Variants in RNF13 observed in about 807,000 individuals in gnomAD.
RNF13 encodes ring finger protein 13, also known as E3 ubiquitin-protein ligase RNF13.
RNF13 carries 19 observed loss-of-function variants against 37.7 expected under a neutral mutation model. The observed-to-expected ratio is 0.50, with a 90% CI of 0.35 to 0.74. The LOEUF (loss-of-function observed/expected upper bound fraction) is 0.74, where lower values mean the gene tolerates loss of function less well. Ranked by LOEUF, RNF13 falls within the 30% of genes least tolerant of loss-of-function variation. RNF13 has a pLI of 0.01. For missense variants in RNF13, 375 were observed against 453.0 expected, an observed-to-expected ratio of 0.83 and a Z score of 1.56; for synonymous variants, 144 against 157.8, an observed-to-expected ratio of 0.91 and a Z score of 0.65.
At chr3:149,875,018 A>C (rs1712525283) in intron 4 of RNF13, among the ~76,000 whole-genome samples, 1 of 152,160 alleles carries the variant, frequency 6.6e-6, no homozygotes, top group Non-Finnish European at 1.5e-5. Flanking sequence ...TCTCTTATAG[A>C]TAATCAGTAG....
chr3:149,835,431 C>G lies in RNF13; in HGVS notation c.-16-10580C>G, dbSNP rs373586739. On this transcript the variant is annotated intron_variant, in intron 1 of 9. Transcript: ENST00000392894. ...GTATACACCTTCACCCCCTCCTACC[C>G]TTTCCCCTGAGTCCCTAAAGTCCAT... Among the ~76,000 whole-genome samples, 67 of 152,204 alleles carry G rather than the reference C, an allele frequency of 4.4e-4. 1 individual carries two copies. In the East Asian group the frequency reaches 7.5e-3, roughly 17 times the overall value.
At chr3:149,871,676 C>A (rs1195722336) in intron 3 of RNF13, among the ~76,000 whole-genome samples, 2 of 151,754 alleles carry the variant, frequency 1.3e-5, no homozygotes, top group Non-Finnish European at 2.9e-5. Context: ...TCATTGTCTG[C>A]TAACATGAAA....
chr3:149,958,028 T>C (rs1722028028), intron 8 of RNF13, among the ~76,000 whole-genome samples: 1 of 152,164 alleles, frequency 6.6e-6, no homozygotes, highest in Non-Finnish European at 1.5e-5. Context: ...GGCAATAAAA[T>C]ATGGGATATT....
intron 5 of RNF13, 28 bp downstream of exon 5, chr3:149,895,588 TC>T: frequency 7.2e-7 from 1 of 1,391,530 alleles, no homozygotes; most frequent in Non-Finnish European, 1.0e-6. Flanking sequence ...TTTTCTTCTC[TC>T]CTGTTTGACA....
chr3:149,944,330 C>T (rs1260481481), intron 8 of RNF13, among the ~76,000 whole-genome samples: 2 of 152,152 alleles, frequency 1.3e-5, no homozygotes, highest in South Asian at 2.1e-4. Context: ...TAGCTATATA[C>T]CCAGTAATGG....
intron 3 of RNF13, among the ~76,000 whole-genome samples, chr3:149,857,543 A>G (rs1723772623): frequency 6.6e-6 from 1 of 152,196 alleles, no homozygotes; most frequent in South Asian, 2.1e-4. Flanking sequence ...GAGTACCATT[A>G]GTAATTAGTT....
chr3:149,851,658 G>T (rs1025268973), intron 2 of RNF13: 1 of 151,744 alleles, frequency 6.6e-6, no homozygotes, highest in African/African-American at 2.4e-5. Flanking sequence ...CCTACATGTT[G>T]TGAACACTTC....
At chr3:149,898,597 A>C (rs913798336) in intron 5 of RNF13, among the ~76,000 whole-genome samples, 1 of 152,110 alleles carries the variant, frequency 6.6e-6, no homozygotes, top group African/African-American at 2.4e-5. Flanking sequence ...AATAGTACCT[A>C]AGTTATTTAG....
chr3:149,912,324 CTT>C (rs1005443631), intron 7 of RNF13, among the ~76,000 whole-genome samples: 11 of 151,992 alleles, frequency 7.2e-5, no homozygotes, highest in African/African-American at 2.7e-4. Context: ...TATAAGGGAA[CTT>C]TTGGGGGATG....
chr3:149,840,768 G>C (rs1340146491), intron 1 of RNF13, among the ~76,000 whole-genome samples: 1 of 152,152 alleles, frequency 6.6e-6, no homozygotes, highest in Non-Finnish European at 1.5e-5. Context: ...CTGGTACCAG[G>C]TTCACTAGCT....
rs141528643 is a variant in RNF13 at position 149,960,634 on chromosome 3, G to A, written c.782-106G>A. ...AAAATAAAAAATAAACTTTCTTCCCGTCCCTACATGATACATACAGAACAC... is the reference window on the plus strand; with the variant it reads ...AAAATAAAAAATAAACTTTCTTCCCATCCCTACATGATACATACAGAACAC... On this transcript the variant is annotated intron_variant, in intron 9 of 9. Transcript: ENST00000392894. 253 of 1,041,586 alleles carry A rather than the reference G, an allele frequency of 2.4e-4. No individual in the cohort carries two copies. The African/African-American group carries it at 3.1e-3, about 13-fold the overall frequency. 64.5% of individuals were successfully genotyped at this position (1,041,586 alleles called of 1,614,324 possible).
In RNF13 at chr3:149,848,423, G is replaced by A. The variant is rs923375737; in HGVS notation, c.114+2283G>A. Among the ~76,000 whole-genome samples, 4 of 152,152 alleles carry A rather than the reference G, an allele frequency of 2.6e-5. No individual in the cohort carries two copies. In the South Asian group the frequency reaches 8.3e-4, roughly 32 times the overall value. On this transcript the variant is annotated intron_variant, in intron 2 of 9. Transcript: ENST00000392894. ...AGTGGCTTGTGAAAGCATATAACTGGTAAAACAGGGAACTAAAAATTGAGA... is the reference window on the plus strand; with the variant it reads ...AGTGGCTTGTGAAAGCATATAACTGATAAAACAGGGAACTAAAAATTGAGA...
intron 2 of RNF13, chr3:149,851,126 A>G (rs1723082404): frequency 6.6e-6 from 1 of 152,234 alleles, no homozygotes; most frequent in African/African-American, 2.4e-5. Flanking sequence ...TGGACATGCT[A>G]AGACACTCAA....
chr3:149,838,191 T>C (rs1721821632), intron 1 of RNF13, among the ~76,000 whole-genome samples: 1 of 152,242 alleles, frequency 6.6e-6, no homozygotes, highest in African/African-American at 2.4e-5. Context: ...GTGTACAGCC[T>C]TCCTCTTGGC....
At chr3:149,853,551 C>G (rs1723352550) in intron 3 of RNF13, among the ~76,000 whole-genome samples, 1 of 145,658 alleles carries the variant, frequency 6.9e-6, no homozygotes, top group Non-Finnish European at 1.5e-5. Flanking sequence ...TGTCCTTGTG[C>G]TTTGTAAGAG....
intron 4 of RNF13, among the ~76,000 whole-genome samples, chr3:149,876,175 C>T (rs1045895210): frequency 1.3e-5 from 2 of 152,136 alleles, no homozygotes; most frequent in African/African-American, 4.8e-5. Flanking sequence ...TTTGAGTAGC[C>T]AATTTACTGT....
At chr3:149,946,379 G>C (rs564948599) in intron 8 of RNF13, among the ~76,000 whole-genome samples, 1 of 152,224 alleles carries the variant, frequency 6.6e-6, no homozygotes, top group Admixed American at 6.5e-5. Flanking sequence ...AGAAGGATTA[G>C]TGTTAGTTCT....
chr3:149,845,341 A>T (rs1252763087), intron 1 of RNF13, among the ~76,000 whole-genome samples: 2 of 152,176 alleles, frequency 1.3e-5, no homozygotes, highest in African/African-American at 2.4e-5. Context: ...TTTTATATTT[A>T]TGGGTTGACA....
intron 8 of RNF13, among the ~76,000 whole-genome samples, chr3:149,922,957 GT>G (rs1273748857): frequency 6.6e-6 from 1 of 152,046 alleles, no homozygotes; most frequent in Admixed American, 6.6e-5. Flanking sequence ...AAAATATTCT[GT>G]TTTTTAATTC....
Sources: gnomAD v4.1 joint callset for allele counts (sites outside exome capture counted in the v4.1 genomes callset) on GRCh38, gnomAD v4.1.1 for gene constraint, MANE v1.5 for transcripts, NCBI Gene and HGNC (gene_info 2026-07-23, HGNC 2026-07-21) for gene names.